The following GPC5 variants were observed in gnomAD, a reference collection of about 807,000 sequenced individuals.
GPC5 encodes glypican-5.
In GPC5, 47 loss-of-function variants were observed where a neutral mutation model predicts 53.9. The observed-to-expected ratio is 0.87, with a 90% CI of 0.69 to 1.11. The LOEUF is 1.11. Among genes scored for constraint, GPC5 ranks in the 50% most tolerant of loss-of-function variants. The pLI is 0.00. For synonymous variants in GPC5, 286 were observed against 263.3 expected (o/e 1.09, Z -0.84); for missense variants, 748 against 713.1 (o/e 1.05, Z -0.56).
intron 7 of GPC5, among the ~76,000 whole-genome samples, chr13:92,341,355 T>G (rs74644524): frequency 6.6e-6 from 1 of 152,070 alleles, no homozygotes; most frequent in Non-Finnish European, 1.5e-5. Context: ...TTGTATCATA[T>G]ATTGTCAACT....
intron 7 of GPC5, among the ~76,000 whole-genome samples, chr13:92,276,618 A>C (rs781492603): frequency 6.6e-6 from 1 of 152,024 alleles, no homozygotes; most frequent in Non-Finnish European, 1.5e-5. Context: ...TTACCTTCTT[A>C]TTTATTACAT....
chr13:92,312,721 G>A (rs1380733964), intron 7 of GPC5, among the ~76,000 whole-genome samples: 1 of 152,060 alleles, frequency 6.6e-6, no homozygotes, highest in African/African-American at 2.4e-5. Context: ...TAGAAAAAAA[G>A]AATTGTCTGT....
intron 7 of GPC5, among the ~76,000 whole-genome samples, chr13:92,671,692 G>C (rs1424770210): frequency 1.3e-5 from 2 of 152,144 alleles, no homozygotes; most frequent in Admixed American, 6.6e-5. Flanking sequence ...GGGCTAATTT[G>C]TGTGGGAAAA....
At chr13:91,865,008 G>A (rs1014707555) in intron 5 of GPC5, among the ~76,000 whole-genome samples, 33 of 151,208 alleles carry the variant, frequency 2.2e-4, no homozygotes, top group Admixed American at 2.0e-3. Flanking sequence ...AGGTTCAAGC[G>A]ATTCTCCTGC....
chr13:91,938,902 T>C (rs912188679), intron 6 of GPC5, among the ~76,000 whole-genome samples: 1 of 152,064 alleles, frequency 6.6e-6, no homozygotes, highest in Non-Finnish European at 1.5e-5. Context: ...TTCTTAGTGA[T>C]AATGAAAAAG....
intron 7 of GPC5, among the ~76,000 whole-genome samples, chr13:92,500,896 T>C (rs927568792): frequency 3.3e-5 from 5 of 152,092 alleles, no homozygotes; most frequent in African/African-American, 1.2e-4. Flanking sequence ...GACCAGAGAA[T>C]TGGAAACTTC....
intron 2 of GPC5, among the ~76,000 whole-genome samples, chr13:91,492,281 A>G (rs76251727): frequency 0.012 from 1,864 of 152,314 alleles, 46 homozygotes; most frequent in African/African-American, 0.043. Flanking sequence ...AACTGGATAT[A>G]TATACATAGC....
chr13:92,776,283 CCTCTCTCTTTTTCCCACAGCGAGCT>C (rs1341841567), intron 7 of GPC5, among the ~76,000 whole-genome samples: 2 of 152,072 alleles, frequency 1.3e-5, no homozygotes, highest in Admixed American at 6.6e-5. Context: ...TGTCTCCTTT[CCTCTCTCTTTTTCCCACAGCGAGCT>C]CTCTCTCTCT....
chr13:92,206,990 A>G (rs2139069405), intron 7 of GPC5, among the ~76,000 whole-genome samples: 1 of 152,238 alleles, frequency 6.6e-6, no homozygotes, highest in Non-Finnish European at 1.5e-5. Context: ...GCCTCTCTTG[A>G]GGTATTAATA....
At chr13:92,806,925 T>C (rs945645869) in intron 7 of GPC5, among the ~76,000 whole-genome samples, 1 of 152,106 alleles carries the variant, frequency 6.6e-6, no homozygotes, top group East Asian at 1.9e-4. Context: ...TTGGCACTGA[T>C]AGACTTGCTG....
At chr13:92,726,604 C>G (rs966279994) in intron 7 of GPC5, among the ~76,000 whole-genome samples, 1 of 151,580 alleles carries the variant, frequency 6.6e-6, no homozygotes, top group Non-Finnish European at 1.5e-5. Flanking sequence ...CAAAATTTAA[C>G]TGTTTATTCC....
chr13:91,524,010 G>A (rs1885965990), intron 2 of GPC5, among the ~76,000 whole-genome samples: 1 of 151,682 alleles, frequency 6.6e-6, no homozygotes, highest in Non-Finnish European at 1.5e-5. Context: ...CTAATTTTTT[G>A]TAATAATGTG....
intron 5 of GPC5, among the ~76,000 whole-genome samples, chr13:91,758,069 A>G (rs958913483): frequency 1.3e-5 from 2 of 152,096 alleles, no homozygotes; most frequent in Non-Finnish European, 2.9e-5. Context: ...AATTGAAGAC[A>G]AAAACTGTAT....
chr13:92,835,925 A>G (rs940798107), intron 7 of GPC5, among the ~76,000 whole-genome samples: 2 of 151,932 alleles, frequency 1.3e-5, no homozygotes, highest in Non-Finnish European at 2.9e-5. Context: ...TCACTTCCCT[A>G]AATTACAGTG....
chr13:92,551,215 T>C (rs373756926), intron 7 of GPC5, among the ~76,000 whole-genome samples: 2 of 106,238 alleles, frequency 1.9e-5, no homozygotes, highest in South Asian at 5.4e-4. Context: ...TGTGTGATAG[T>C]TTAAGATTTT....
intron 5 of GPC5, among the ~76,000 whole-genome samples, chr13:91,784,674 A>G (rs2037850216): frequency 6.6e-6 from 1 of 150,634 alleles, no homozygotes; most frequent in Non-Finnish European, 1.5e-5. Flanking sequence ...CCGTGAGCTG[A>G]GATTGCACCA....
At chr13:91,902,306 T>G (rs1046362260) in intron 5 of GPC5, among the ~76,000 whole-genome samples, 5 of 152,040 alleles carry the variant, frequency 3.3e-5, no homozygotes, top group Admixed American at 3.3e-4. Flanking sequence ...GTATATAAAT[T>G]TATTACAATG....
chr13:92,114,658 T>C (rs2041585840), intron 6 of GPC5, among the ~76,000 whole-genome samples: 3 of 152,144 alleles, frequency 2.0e-5, no homozygotes. Flanking sequence ...TCTGTCCCAT[T>C]CCCTGATTAG....
chr13:92,752,321 T>C (rs146391435), intron 7 of GPC5, among the ~76,000 whole-genome samples: 2,401 of 152,292 alleles, frequency 0.016, 33 homozygotes, highest in Non-Finnish European at 0.021. Context: ...GGGGACAAAA[T>C]GCTCTGGTCC....
Sources: allele counts gnomAD v4.1 joint callset (sites outside exome capture counted in the v4.1 genomes callset), GRCh38; gene constraint gnomAD v4.1.1; transcripts MANE v1.5; gene names NCBI Gene and HGNC (gene_info 2026-07-23, HGNC 2026-07-21).